Variants in NMNAT2 observed in about 807,000 individuals in gnomAD.
NMNAT2 encodes nicotinamide/nicotinic acid mononucleotide adenylyltransferase 2.
NMNAT2 carries 11 observed loss-of-function variants against 41.6 expected under a neutral mutation model. The observed-to-expected ratio is 0.26, with a 90% CI of 0.17 to 0.44. The LOEUF is 0.44. NMNAT2 is among the 20% of genes least tolerant of loss of function. The probability of loss-of-function intolerance (pLI) is 1.00; values close to 1 mark genes in which losing one functional copy is unlikely to be tolerated. For synonymous variants in NMNAT2, 148 were observed against 151.2 expected (o/e 0.98, Z 0.16); for missense variants, 288 against 407.7 (o/e 0.71, Z 2.53).
intron 1 of NMNAT2, among the ~76,000 whole-genome samples, chr1:183,361,817 T>C (rs544266782): frequency 6.6e-6 from 1 of 152,372 alleles, no homozygotes; most frequent in East Asian, 1.9e-4. Flanking sequence ...CATTTTATTT[T>C]ATAATCAGAT....
intron 1 of NMNAT2, among the ~76,000 whole-genome samples, chr1:183,333,196 A>T (rs1188893551): frequency 1.3e-5 from 2 of 152,096 alleles, no homozygotes; most frequent in Non-Finnish European, 2.9e-5. Flanking sequence ...AAGTGTGGTC[A>T]CTCCAGCACT....
intron 1 of NMNAT2, among the ~76,000 whole-genome samples, chr1:183,321,135 G>A (rs2102330495): frequency 6.6e-6 from 1 of 152,318 alleles, no homozygotes; most frequent in Middle Eastern, 3.4e-3. Flanking sequence ...CTACATGTGT[G>A]TGCTGAAGTG....
At chr1:183,350,261 C>T (rs1056321604) in intron 1 of NMNAT2, among the ~76,000 whole-genome samples, 1 of 152,096 alleles carries the variant, frequency 6.6e-6, no homozygotes, top group African/African-American at 2.4e-5. Context: ...AGCCATGAGC[C>T]AGGGTGTGCA....
At chr1:183,377,637 G>A (rs1030073666) in intron 1 of NMNAT2, among the ~76,000 whole-genome samples, 6 of 152,046 alleles carry the variant, frequency 3.9e-5, no homozygotes, top group Admixed American at 1.3e-4. Flanking sequence ...AAGGAAAAAT[G>A]GATTCACTTC....
chr1:183,362,051 G>A (rs984228146), intron 1 of NMNAT2, among the ~76,000 whole-genome samples: 1 of 152,134 alleles, frequency 6.6e-6, no homozygotes, highest in Non-Finnish European at 1.5e-5. Context: ...CGATTCTCCT[G>A]CCTCAGCCTC....
Position 183,394,006 on chromosome 1 carries a change from C to A in NMNAT2, c.85+24177G>T, listed in dbSNP as rs1016028927. ...TCTCAGAGAAGAGATGGACAATAAA[C>A]AAATAAATGAATCACCTAAAATAAG... On this transcript the variant is annotated intron_variant, in intron 1 of 10. Transcript: ENST00000287713. Among the ~76,000 whole-genome samples, 7 of 152,104 alleles carry A rather than the reference C, an allele frequency of 4.6e-5. No homozygotes were observed. The East Asian group carries it at 1.3e-3, about 29-fold the overall frequency.
intron 4 of NMNAT2, among the ~76,000 whole-genome samples, chr1:183,289,619 G>T (rs1309547439): frequency 6.6e-6 from 1 of 152,232 alleles, no homozygotes; most frequent in Admixed American, 6.5e-5. Context: ...TTGTGAGGAG[G>T]AATGGGTGGG....
At chr1:183,366,490 G>A (rs1403014621) in intron 1 of NMNAT2, among the ~76,000 whole-genome samples, 1 of 152,172 alleles carries the variant, frequency 6.6e-6, no homozygotes, top group Non-Finnish European at 1.5e-5. Context: ...ATTCCAAGAT[G>A]ATTAAGTCTC....
intron 1 of NMNAT2, among the ~76,000 whole-genome samples, chr1:183,381,415 G>A (rs931673868): frequency 6.6e-6 from 1 of 152,150 alleles, no homozygotes; most frequent in Middle Eastern, 3.2e-3. Flanking sequence ...AATGAATAAG[G>A]CCAGGCACAG....
intron 1 of NMNAT2, among the ~76,000 whole-genome samples, chr1:183,368,207 G>A (rs1356222909): frequency 6.6e-6 from 1 of 152,188 alleles, no homozygotes; most frequent in Non-Finnish European, 1.5e-5. Flanking sequence ...TTTCACCACA[G>A]AGAGCTTGAG....
chr1:183,355,903 T>C (rs970315238), intron 1 of NMNAT2, among the ~76,000 whole-genome samples: 5 of 152,186 alleles, frequency 3.3e-5, no homozygotes, highest in African/African-American at 9.6e-5. Context: ...AACCTTTCCT[T>C]CCTCTGGAAA....
intron 1 of NMNAT2, among the ~76,000 whole-genome samples, chr1:183,389,404 G>A (rs1211195597): frequency 1.3e-5 from 2 of 151,988 alleles, no homozygotes; most frequent in Admixed American, 1.3e-4. Flanking sequence ...AATTGAATTT[G>A]AATCCAAGCT....
chr1:183,307,552 C>A (rs766682624), intron 1 of NMNAT2, among the ~76,000 whole-genome samples: 11 of 152,058 alleles, frequency 7.2e-5, no homozygotes, highest in Non-Finnish European at 1.2e-4. Flanking sequence ...AAGTGATTCT[C>A]CTGCCTCAGC....
chr1:183,401,160 A>G (rs1648797563), intron 1 of NMNAT2, among the ~76,000 whole-genome samples: 1 of 152,204 alleles, frequency 6.6e-6, no homozygotes, highest in African/African-American at 2.4e-5. Flanking sequence ...TTTACAATCC[A>G]CCCATCTGAC....
At chr1:183,392,440 T>C (rs1648511134) in intron 1 of NMNAT2, among the ~76,000 whole-genome samples, 1 of 152,266 alleles carries the variant, frequency 6.6e-6, no homozygotes, top group Admixed American at 6.5e-5. Context: ...AGTTCCCCTG[T>C]TGCTATTCTC....
chr1:183,282,554 T>TAC (rs1402170792), intron 7 of NMNAT2, among the ~76,000 whole-genome samples: 19 of 152,156 alleles, frequency 1.2e-4, no homozygotes, highest in African/African-American at 4.1e-4. Flanking sequence ...GAAAGAGAAA[T>TAC]ACACTGGAAT....
chr1:183,324,962 C>T (rs1473487493), intron 1 of NMNAT2, among the ~76,000 whole-genome samples: 4 of 152,198 alleles, frequency 2.6e-5, no homozygotes, highest in Non-Finnish European at 5.9e-5. Context: ...CAAGGCCCTA[C>T]CCAGCAGAAT....
intron 7 of NMNAT2, chr1:183,283,059 C>T (rs1300227808): frequency 6.6e-6 from 1 of 152,174 alleles, no homozygotes; most frequent in Non-Finnish European, 1.5e-5. Context: ...CAGAGAAGCC[C>T]CTTGAAATGA....
chr1:183,253,925 GTGTGTGTGTGTGTGTGTGTA>G (rs1380210490), intron 10 of NMNAT2, among the ~76,000 whole-genome samples: 1 of 151,828 alleles, frequency 6.6e-6, no homozygotes, highest in Non-Finnish European at 1.5e-5. Context: ...GTGTGTGTGT[GTGTGTGTGTGTGTGTGTGTA>G]TGTGTGTGTG....
Sources: gnomAD v4.1 joint callset for allele counts (sites outside exome capture counted in the v4.1 genomes callset) on GRCh38, gnomAD v4.1.1 for gene constraint, MANE v1.5 for transcripts, NCBI Gene and HGNC (gene_info 2026-07-23, HGNC 2026-07-21) for gene names.